ZBTB38: variants seen among roughly 807,000 people sequenced by gnomAD.
The protein encoded by ZBTB38 is zinc finger and BTB domain containing 38, also known as zinc finger and BTB domain-containing protein 38.
Under a neutral mutation model 76.8 loss-of-function variants are expected in ZBTB38, and 20 were observed. The ratio of observed to expected loss-of-function variants is 0.26; its 90% CI spans 0.18 to 0.38. The LOEUF (loss-of-function observed/expected upper bound fraction) is 0.38. Ranked by LOEUF, ZBTB38 falls within the 10% of genes least tolerant of loss-of-function variation. The pLI is 1.00. For missense variants in ZBTB38, 1,082 were observed against 1,482.3 expected (o/e 0.73, Z 4.43); for synonymous variants, 504 against 544.2 (o/e 0.93, Z 1.03).
chr3:141,361,738 A>C (rs2148960170), intron 1 of ZBTB38, among the ~76,000 whole-genome samples: 1 of 152,314 alleles, frequency 6.6e-6, no homozygotes, highest in African/African-American at 2.4e-5. Flanking sequence ...CAAGTGTTGT[A>C]AATTACAGGA....
intron 2 of ZBTB38, among the ~76,000 whole-genome samples, chr3:141,371,045 C>CTTTTTTTCTTTTTTTTTTTTTTTTT (rs1944505569): frequency 1.4e-5 from 1 of 72,006 alleles, no homozygotes; most frequent in African/African-American, 7.8e-5. Flanking sequence ...TTCTTTCTTT[C>CTTTTTTTCTTTTTTTTTTTTTTTTT]TTTTTTTTTT....
At chr3:141,431,574 C>G (rs915517684) in intron 5 of ZBTB38, 3 of 151,940 alleles carry the variant, frequency 2.0e-5, no homozygotes, top group African/African-American at 4.8e-5. Context: ...GACCTTTTCC[C>G]CCTTTCATCT....
At chr3:141,435,101 C>T (rs926194375) in intron 5 of ZBTB38, among the ~76,000 whole-genome samples, 1 of 152,118 alleles carries the variant, frequency 6.6e-6, no homozygotes, top group Non-Finnish European at 1.5e-5. Context: ...GCCATGACAG[C>T]ACCACTGCTG....
chr3:141,408,783 A>G (rs903126801), intron 5 of ZBTB38, among the ~76,000 whole-genome samples: 1 of 152,206 alleles, frequency 6.6e-6, no homozygotes, highest in Non-Finnish European at 1.5e-5. Flanking sequence ...AGTCATTTTA[A>G]AACGATGTCA....
chr3:141,445,351 A>G lies in ZBTB38; in HGVS notation c.2963A>G (p.Asp988Gly). Residue 988 changes from aspartate (D) to glycine (G), a missense_variant, in exon 6 of 6, where the codon GAT becomes GGT. Physicochemically the swap from Asp to Gly is moderately conservative, Grantham distance 94. Transcript: ENST00000321464. This position sits in a 1 kb window ranked among gnomAD's most constrained non-coding sequence, Gnocchi z 6.5. ...CCCAAGCTGCAGTGTGAACTCTGTG[A>G]TGGAGACAAAGCAGTGGGGGCTGGA... is the stretch of plus-strand genomic sequence containing the variant. ...EMPKLQCELCDGDKAVGAGNQ... is the reference protein window; with the variant it reads ...EMPKLQCELCGGDKAVGAGNQ... 1 of 1,614,120 alleles carries G rather than the reference A, an allele frequency of 6.2e-7. No homozygotes were observed. Among genetic ancestry groups the G allele is most frequent in the Non-Finnish European group, 8.5e-7 (1 of 1,180,032 alleles).
chr3:141,426,997 G>A (rs2076527167), intron 5 of ZBTB38, among the ~76,000 whole-genome samples: 1 of 151,190 alleles, frequency 6.6e-6, no homozygotes, highest in Non-Finnish European at 1.5e-5. Flanking sequence ...CCTTTTTCAT[G>A]TCAGAACAAC....
At chr3:141,351,960 G>A (rs1943530560) in intron 1 of ZBTB38, among the ~76,000 whole-genome samples, 1 of 151,894 alleles carries the variant, frequency 6.6e-6, no homozygotes, top group Non-Finnish European at 1.5e-5. Flanking sequence ...GTTTTTGTAA[G>A]GTTTTGTTTC....
At chr3:141,387,693 GT>G (rs1947509973) in intron 4 of ZBTB38, 1 of 152,184 alleles carries the variant, frequency 6.6e-6, no homozygotes, top group South Asian at 2.1e-4. Flanking sequence ...TTTCAATCCT[GT>G]TTTCCTGTTG....
Position 141,442,781 on chromosome 3 carries a change from G to T in ZBTB38, c.393G>T (p.Pro131=). Residue 131 remains proline, a synonymous_variant, in exon 6 of 6, where the codon CCG becomes CCT. Coordinates refer to ENST00000321464, the MANE Select transcript of ZBTB38 (RefSeq NM_001376113.1). The surrounding 1 kb of genome is among the most constrained non-coding windows in gnomAD (Gnocchi z 6.4). ...CTGATCGCAACTTCTCAAATTCCCCGGGTCCCTATGTATTCTGTATTACTG... is the reference window on the plus strand; with the variant it reads ...CTGATCGCAACTTCTCAAATTCCCCTGGTCCCTATGTATTCTGTATTACTG... ...DLTDRNFSNS[P]GPYVFCITEK... 6.2e-7 allele frequency: 1 copy of T among 1,614,084 alleles called. No individual in the cohort carries two copies. The highest frequency in any genetic ancestry group is 2.2e-5 in the East Asian group (1 of 44,884).
At chr3:141,353,454 C>A (rs1327271705) in intron 1 of ZBTB38, among the ~76,000 whole-genome samples, 1 of 151,860 alleles carries the variant, frequency 6.6e-6, no homozygotes, top group Non-Finnish European at 1.5e-5. Context: ...TTGCTACTAA[C>A]CAAAAAGCAA....
chr3:141,362,786 A>G (rs1206901713), intron 1 of ZBTB38, among the ~76,000 whole-genome samples: 3 of 152,218 alleles, frequency 2.0e-5, no homozygotes, highest in East Asian at 1.9e-4. Flanking sequence ...GCTGAGGGGA[A>G]TTGAAGGGGC....
chr3:141,333,755 G>A (rs950111715), intron 1 of ZBTB38, among the ~76,000 whole-genome samples: 2 of 152,172 alleles, frequency 1.3e-5, no homozygotes, highest in African/African-American at 4.8e-5. Context: ...GGGTTTTGGA[G>A]CACACACTCA....
intron 5 of ZBTB38, among the ~76,000 whole-genome samples, chr3:141,435,408 C>A (rs112699208): frequency 4.6e-5 from 7 of 152,116 alleles, no homozygotes; most frequent in African/African-American, 1.7e-4. Context: ...TTTATATATT[C>A]ATGCTTGTAT....
At chr3:141,340,192 T>C (rs143839190) in intron 1 of ZBTB38, among the ~76,000 whole-genome samples, 16 of 152,352 alleles carry the variant, frequency 1.1e-4, no homozygotes, top group Middle Eastern at 3.4e-3. Flanking sequence ...AGTTAAGTAA[T>C]TTGTTAAAAC....
chr3:141,379,068 C>T (rs556269885), intron 2 of ZBTB38, among the ~76,000 whole-genome samples: 9 of 152,282 alleles, frequency 5.9e-5, no homozygotes, highest in Admixed American at 2.0e-4. Flanking sequence ...CTTTTAACAG[C>T]GCTGCTGTCT....
chr3:141,393,330 G>A (rs558288797), intron 4 of ZBTB38, among the ~76,000 whole-genome samples: 27 of 152,312 alleles, frequency 1.8e-4, no homozygotes, highest in African/African-American at 5.1e-4. Flanking sequence ...CTTCCCCAGC[G>A]CTGAGCATGA....
chr3:141,376,605 T>G (rs1209703522), intron 2 of ZBTB38, among the ~76,000 whole-genome samples: 1 of 152,212 alleles, frequency 6.6e-6, no homozygotes, highest in Non-Finnish European at 1.5e-5. Flanking sequence ...GTTCAAGTCT[T>G]CACTATAATG....
intron 1 of ZBTB38, among the ~76,000 whole-genome samples, chr3:141,358,647 A>G (rs1943731904): frequency 1.3e-5 from 2 of 152,204 alleles, no homozygotes; most frequent in South Asian, 4.1e-4. Context: ...GACAAATGCA[A>G]CCATCAACAT....
At chr3:141,393,329 C>T (rs1056781722) in intron 4 of ZBTB38, among the ~76,000 whole-genome samples, 1 of 152,230 alleles carries the variant, frequency 6.6e-6, no homozygotes, top group African/African-American at 2.4e-5. Context: ...CCTTCCCCAG[C>T]GCTGAGCATG....
Sources: gnomAD v4.1 joint callset for allele counts (sites outside exome capture counted in the v4.1 genomes callset) on GRCh38, gnomAD v4.1.1 for gene constraint, Gnocchi (gnomAD v3.1) non-coding constraint, MANE v1.5 for transcripts, NCBI Gene and HGNC (gene_info 2026-07-23, HGNC 2026-07-21) for gene names.